The following FGD1 variants were observed in gnomAD, a reference collection of about 807,000 sequenced individuals.
The protein encoded by FGD1 is FYVE, RhoGEF and PH domain-containing protein 1.
Under a neutral mutation model 65.0 loss-of-function variants are expected in FGD1, and 12 were observed. The observed-to-expected ratio is 0.18, with a 90% CI of 0.12 to 0.30. The LOEUF (loss-of-function observed/expected upper bound fraction) is 0.30, where lower values mean the gene tolerates loss of function less well. FGD1 is among the 10% of genes least tolerant of loss of function. The pLI is 1.00. For missense variants in FGD1, 542 were observed against 837.6 expected (o/e 0.65, Z 4.36); for synonymous variants, 333 against 343.9 (o/e 0.97, Z 0.35).
rs150003847 is a variant in FGD1 at position 54,464,283 on chromosome X, G to A, written c.1636+1168C>T. Among the ~76,000 whole-genome samples the A allele has an allele frequency of 6.4e-3, 702 of 109,164 alleles. 1 individual carries two copies. Among genetic ancestry groups the A allele is most frequent in the Middle Eastern group, 0.019 (4 of 216 alleles). The allele number at this position is 109,164 out of a possible 115,157, so 94.8% of individuals were successfully genotyped here. A position where few individuals can be genotyped will look rare whatever the true frequency, so the allele number is the denominator to read the frequency against. On this transcript the variant is annotated intron_variant, in intron 8 of 17. Coordinates refer to ENST00000375135, the MANE Select transcript of FGD1 (RefSeq NM_004463.3). ...CAAGTAGCTGGGATTACAGGTGCCCGCCACCACGCCCAGCTAATGTTTGTA... is the reference window on the plus strand; with the variant it reads ...CAAGTAGCTGGGATTACAGGTGCCCACCACCACGCCCAGCTAATGTTTGTA...
chrX:54,476,641 T>C (rs1215318632), intron 1 of FGD1, among the ~76,000 whole-genome samples: 3 of 108,499 alleles, frequency 2.8e-5, no homozygotes, highest in Non-Finnish European at 5.7e-5. Context: ...CATGAGCCAG[T>C]GTGCCCAATT....
At chrX:54,482,781 T>C (rs1372038158) in intron 1 of FGD1, among the ~76,000 whole-genome samples, 1 of 101,116 alleles carries the variant, frequency 9.9e-6, no homozygotes, top group African/African-American at 3.7e-5. Context: ...TAGAGGGAGA[T>C]GGACAAAAGG....
At chrX:54,494,832 C>T (rs1055385587) in intron 1 of FGD1, among the ~76,000 whole-genome samples, 3 of 111,322 alleles carry the variant, frequency 2.7e-5, no homozygotes, top group African/African-American at 9.8e-5. Context: ...CCTTGCAATC[C>T]TCCCTCTTTT....
intron 14 of FGD1, 142 bp downstream of exon 14, chrX:54,449,517 A>G: frequency 3.8e-6 from 2 of 528,524 alleles, no homozygotes; most frequent in Non-Finnish European, 6.5e-6. Context: ...GGCCCTACCA[A>G]TGGAAGACTG....
At chrX:54,465,665 C>T in intron 7 of FGD1, 31 bp downstream of exon 7, 1 of 1,210,992 alleles carries the variant, frequency 8.3e-7, no homozygotes. Flanking sequence ...CTCTCCTCCC[C>T]AAGTCTGCTC....
chrX:54,471,003 G>C (rs1395198045), intron 2 of FGD1, among the ~76,000 whole-genome samples: 9 of 77,717 alleles, frequency 1.2e-4, no homozygotes, highest in African/African-American at 3.2e-4. Context: ...GTGAGATTCT[G>C]TCTCAAAAAA....
chrX:54,477,098 C>A (rs1330285544), intron 1 of FGD1, among the ~76,000 whole-genome samples: 2 of 112,905 alleles, frequency 1.8e-5, no homozygotes, highest in African/African-American at 6.4e-5. Flanking sequence ...CTCGGCACAA[C>A]TGCACACACA....
At chrX:54,480,017 G>A (rs1051530530) in intron 1 of FGD1, among the ~76,000 whole-genome samples, 1 of 112,205 alleles carries the variant, frequency 8.9e-6, no homozygotes, top group Non-Finnish European at 1.9e-5. Flanking sequence ...CCCTGAAGTC[G>A]ACTATTCTTC....
At chrX:54,463,930 C>A (rs896688856) in intron 8 of FGD1, among the ~76,000 whole-genome samples, 1 of 111,528 alleles carries the variant, frequency 9.0e-6, no homozygotes, top group Non-Finnish European at 1.9e-5. Flanking sequence ...TTATACTCAG[C>A]ACCTATCTAA....
chrX:54,485,619 C>A (rs1359051806), intron 1 of FGD1, among the ~76,000 whole-genome samples: 3 of 110,905 alleles, frequency 2.7e-5, no homozygotes, highest in Non-Finnish European at 5.7e-5. Flanking sequence ...CAGGCATACA[C>A]CACCATGCCC....
rs1451064947 is a variant in FGD1, at chrX:54,471,490, G to A, written c.308-3C>T. On this transcript the variant is annotated splice_region_variant and splice_polypyrimidine_tract_variant and intron_variant, in intron 1 of 17. Coordinates refer to ENST00000375135, the MANE Select transcript of FGD1 (RefSeq NM_004463.3). ...GATCCGGTTTCCCTGGTGCAGCCCT[G>A]CAGGAAGGGAGAAAATGGGTGTGAA... 8.3e-7 allele frequency: 1 copy of A among 1,209,629 alleles called. No individual in the cohort carries two copies.
chrX:54,449,399 T>C lies in FGD1; in HGVS notation c.2149-131A>G. 4 of 818,471 alleles carry C rather than the reference T, an allele frequency of 4.9e-6. No individual in the cohort carries two copies. In the South Asian group the frequency reaches 8.9e-5, roughly 18 times the overall value. The allele number at this position is 818,471 out of a possible 1,213,427, so 67.5% of individuals were successfully genotyped here. On this transcript the variant is annotated intron_variant, in intron 14 of 17. Coordinates refer to ENST00000375135, the MANE Select transcript of FGD1 (RefSeq NM_004463.3). The stretch of plus-strand genomic sequence containing the variant: ...GCTGGGGGTAGGGGGAGCAGCCACA[T>C]TCAGAAGACCTGCCTTTAAGTCCTG...
At chrX:54,489,813 T>G (rs1273538997) in intron 1 of FGD1, among the ~76,000 whole-genome samples, 1 of 111,894 alleles carries the variant, frequency 8.9e-6, no homozygotes, top group Non-Finnish European at 1.9e-5. Context: ...ACCATTCAAC[T>G]CAGTAATCTC....
At chrX:54,456,638 GTTT>G in intron 8 of FGD1, 71 bp from the exon 9 acceptor site, 4 of 735,616 alleles carry the variant, frequency 5.4e-6, no homozygotes, top group East Asian at 3.9e-5. Context: ...TTTGTTTTTT[GTTT>G]TTTTTTTTTG....
intron 17 of FGD1, among the ~76,000 whole-genome samples, chrX:54,446,758 C>T (rs1207684831): frequency 9.7e-6 from 1 of 103,351 alleles, no homozygotes; most frequent in African/African-American, 3.6e-5. Context: ...GAGTCTTGCC[C>T]TGTTGCCCAG....
At position 54,447,471 on chromosome X, in the gene FGD1, C is replaced by G. The variant is rs750474296; in HGVS notation, c.2437-17G>C. On this transcript the variant is annotated splice_polypyrimidine_tract_variant and intron_variant, in intron 16 of 17. Coordinates refer to ENST00000375135, the MANE Select transcript of FGD1 (RefSeq NM_004463.3). ...GGCCTGTTTCTGTGGCCAGAGACACCGGGCATCAATGTTGACAGAAGGCCT... is the reference window on the plus strand; with the variant it reads ...GGCCTGTTTCTGTGGCCAGAGACACGGGGCATCAATGTTGACAGAAGGCCT... 4.2e-6 allele frequency: 5 copies of G among 1,204,334 alleles called. No individual in the cohort carries two copies. Among genetic ancestry groups the G allele is most frequent in the Non-Finnish European group, 5.6e-6 (5 of 891,760 alleles).
intron 1 of FGD1, among the ~76,000 whole-genome samples, chrX:54,485,500 A>C (rs1478844592): frequency 9.0e-6 from 1 of 111,711 alleles, no homozygotes; most frequent in Admixed American, 9.6e-5. Context: ...ACAGAGTCTC[A>C]CTTTGTCACC....
intron 1 of FGD1, among the ~76,000 whole-genome samples, chrX:54,480,069 A>AGT (rs1923109731): frequency 8.9e-6 from 1 of 112,918 alleles, no homozygotes; most frequent in African/African-American, 3.2e-5. Context: ...CACTTTCTAT[A>AGT]GTGTGAAGAC....
intron 1 of FGD1, among the ~76,000 whole-genome samples, chrX:54,477,570 C>T (rs1306599287): frequency 9.2e-6 from 1 of 109,269 alleles, no homozygotes; most frequent in Non-Finnish European, 1.9e-5. Context: ...GCTGAGATTA[C>T]AGGTGCCTGC....
Sources: allele counts gnomAD v4.1 joint callset (sites outside exome capture counted in the v4.1 genomes callset), GRCh38; gene constraint gnomAD v4.1.1; transcripts MANE v1.5; gene names NCBI Gene and HGNC (gene_info 2026-07-23, HGNC 2026-07-21).